The following ZBED4 variants were observed in gnomAD, a reference collection of about 807,000 sequenced individuals.
The protein encoded by ZBED4 is zinc finger BED-type containing 4, also known as zinc finger BED domain-containing protein 4.
ZBED4 carries 4 observed loss-of-function variants against 15.5 expected under a neutral mutation model. The ratio of observed to expected loss-of-function variants is 0.26; its 90% confidence interval spans 0.13 to 0.59. The LOEUF is 0.59. Ranked by LOEUF, ZBED4 falls within the 20% of genes least tolerant of loss-of-function variation. The pLI is 0.90. For synonymous variants in ZBED4, 692 were observed against 608.5 expected, an observed-to-expected ratio of 1.14 and a Z score of -2.02; for missense variants, 1,323 against 1,461.8, an observed-to-expected ratio of 0.91 and a Z score of 1.55.
At chr22:49,863,653 C>T (rs1207076219) in intron 1 of ZBED4, among the ~76,000 whole-genome samples, 4 of 151,124 alleles carry the variant, frequency 2.6e-5, no homozygotes, top group Non-Finnish European at 2.9e-5. Flanking sequence ...GTGTGATGTT[C>T]TGGCTGAGTT....
intron 1 of ZBED4, among the ~76,000 whole-genome samples, chr22:49,864,061 T>C (rs1432404579): frequency 5.3e-5 from 8 of 152,186 alleles, no homozygotes; most frequent in Non-Finnish European, 4.4e-5. Flanking sequence ...TCTGGTTTCT[T>C]TTAAGGGCTT....
In ZBED4 at chr22:49,883,888, T is replaced by A. The variant is rs1569164251; in HGVS notation, c.226T>A (p.Ser76Thr). 4.4e-6 allele frequency: 7 copies of A among 1,607,380 alleles called. No individual in the cohort carries two copies. The highest frequency in any genetic ancestry group is 6.0e-6 in the Non-Finnish European group (7 of 1,175,092). The change falls in exon 2 of 2, where the codon TCT (serine) becomes ACT (threonine). Residue 76 changes from serine (S) to threonine (T), a missense_variant. Coordinates refer to ENST00000216268, the MANE Select transcript of ZBED4 (RefSeq NM_014838.3). ...CTGCAAGCCCCCGGGGAAGTACTTG[T>A]CTGCAGAGAGTGAGGATGACTATGG... ...CSCKPPGKYL[S>T]AESEDDYGAL... is the part of the protein sequence containing the mutation.
At chr22:49,854,450 G>T (rs2060266261) in intron 1 of ZBED4, among the ~76,000 whole-genome samples, 2 of 152,198 alleles carry the variant, frequency 1.3e-5, no homozygotes, top group African/African-American at 4.8e-5. Flanking sequence ...TCATGTCTCA[G>T]CCCAGACGGG....
chr22:49,863,291 C>T (rs978058577), intron 1 of ZBED4, among the ~76,000 whole-genome samples: 1 of 152,156 alleles, frequency 6.6e-6, no homozygotes, highest in Non-Finnish European at 1.5e-5. Context: ...TCCCTAATAA[C>T]TGGGACCACA....
rs775667468 is a variant in ZBED4, at chr22:49,886,982, A to G, written c.3320A>G (p.Lys1107Arg). The change falls in exon 2 of 2, where the codon AAG becomes AGG. Residue 1107 changes from lysine (K) to arginine (R), a missense_variant. By Grantham distance (26) the Lys-to-Arg change is conservative. Coordinates refer to ENST00000216268, the MANE Select transcript of ZBED4 (RefSeq NM_014838.3). The surrounding 1 kb of genome is among the most constrained non-coding windows in gnomAD (Gnocchi z 7.7). ...SCDPLTYWNL[K>R]KASWPGLSAL... The stretch of plus-strand genomic sequence containing the variant: ...GACCCGCTCACCTACTGGAACCTGA[A>G]GAAGGCGTCCTGGCCGGGGCTGTCC... 52 of 1,614,000 alleles carry G rather than the reference A, an allele frequency of 3.2e-5. No homozygotes were observed. The highest frequency in any genetic ancestry group is 2.0e-5 in the Non-Finnish European group (24 of 1,180,042).
Position 49,889,761 on chromosome 22 carries a change from A to T in ZBED4, c.*2583A>T, listed in dbSNP as rs577225355. 6.0e-6 allele frequency: 1 copy of T among 167,344 alleles called. No individual in the cohort carries two copies. The highest frequency in any genetic ancestry group is 2.4e-5 in the African/African-American group (1 of 41,582). The allele number at this position is 167,344 out of a possible 1,614,324, so 10.4% of individuals were successfully genotyped here. On this transcript the variant is annotated 3_prime_UTR_variant, in exon 2 of 2. Transcript: ENST00000216268. ...GACAAGAGGCCCAGTGCTGACAGTC[A>T]CACGACTCTCACTACTTGAATGAGG...
At chr22:49,880,619 A>T (rs1477409774) in intron 1 of ZBED4, among the ~76,000 whole-genome samples, 2 of 152,218 alleles carry the variant, frequency 1.3e-5, no homozygotes, top group Admixed American at 1.3e-4. Flanking sequence ...TCTGAGGTCA[A>T]CCTGGTTTCC....
At chr22:49,863,145 C>G (rs1418496605) in intron 1 of ZBED4, among the ~76,000 whole-genome samples, 1 of 152,116 alleles carries the variant, frequency 6.6e-6, no homozygotes, top group Non-Finnish European at 1.5e-5. Flanking sequence ...CCAGTGTGTT[C>G]CTCTATCCTT....
chr22:49,887,893 T>G lies in ZBED4; in HGVS notation c.*715T>G, dbSNP rs751503138. On this transcript the variant is annotated 3_prime_UTR_variant, in exon 2 of 2. Transcript: ENST00000216268. ...ATCAGCTCCTCTGAAATGTGATCCC[T>G]TTGTAACTGTGCTCATCACTTCGCC... The G allele has an allele frequency of 1.2e-5, 2 of 167,274 alleles. No individual in the cohort carries two copies. Among genetic ancestry groups the G allele is most frequent in the Non-Finnish European group, 2.9e-5 (2 of 68,128 alleles). The allele number at this position is 167,274 out of a possible 1,614,324, so 10.4% of individuals were successfully genotyped here. A position where few individuals can be genotyped will look rare whatever the true frequency, so the allele number is the denominator to read the frequency against.
At chr22:49,856,769 G>A (rs189219632) in intron 1 of ZBED4, among the ~76,000 whole-genome samples, 7 of 92,420 alleles carry the variant, frequency 7.6e-5, no homozygotes, top group Admixed American at 4.4e-4. Flanking sequence ...TGAAGGCCGC[G>A]CTGGAATCCC....
intron 1 of ZBED4, among the ~76,000 whole-genome samples, chr22:49,874,978 CG>C (rs1304635884): frequency 4.6e-5 from 7 of 152,098 alleles, no homozygotes; most frequent in Non-Finnish European, 8.8e-5. Context: ...CCACTGCACC[CG>C]GCCTGTTTTA....
At chr22:49,878,301 CAAAAA>C (rs71196388) in intron 1 of ZBED4, among the ~76,000 whole-genome samples, 2 of 107,216 alleles carry the variant, frequency 1.9e-5, no homozygotes, top group Non-Finnish European at 3.5e-5. Flanking sequence ...GACACTGTCT[CAAAAA>C]AAAAAAAAAA....
chr22:49,867,859 C>T (rs1360233425), intron 1 of ZBED4, among the ~76,000 whole-genome samples: 1 of 152,208 alleles, frequency 6.6e-6, no homozygotes, highest in Non-Finnish European at 1.5e-5. Context: ...TTAGTCCAGC[C>T]CCCCTCAAAT....
chr22:49,862,457 C>G (rs1415823589), intron 1 of ZBED4, among the ~76,000 whole-genome samples: 1 of 152,122 alleles, frequency 6.6e-6, no homozygotes, highest in Non-Finnish European at 1.5e-5. Flanking sequence ...AAGTGTGGCA[C>G]AGATACAGAA....
At chr22:49,858,384 G>A (rs547365411) in intron 1 of ZBED4, among the ~76,000 whole-genome samples, 12 of 152,308 alleles carry the variant, frequency 7.9e-5, no homozygotes, top group Admixed American at 2.6e-4. Flanking sequence ...CCATGTCCCC[G>A]TCTGAACCAG....
chr22:49,854,463 C>T (rs1380782182), intron 1 of ZBED4, among the ~76,000 whole-genome samples: 1 of 152,236 alleles, frequency 6.6e-6, no homozygotes, highest in Non-Finnish European at 1.5e-5. Context: ...CAGACGGGTC[C>T]TTGCGACGCG....
intron 1 of ZBED4, among the ~76,000 whole-genome samples, chr22:49,877,258 ATTATTTATTTATTTATTTAT>A (rs200275015): frequency 4.3e-4 from 62 of 144,738 alleles, no homozygotes; most frequent in East Asian, 6.1e-4. Context: ...AAACAGCTTT[ATTATTTATTTATTTATTTAT>A]TTATTTATTT....
At chr22:49,881,203 G>A (rs2060407805) in intron 1 of ZBED4, among the ~76,000 whole-genome samples, 1 of 152,186 alleles carries the variant, frequency 6.6e-6, no homozygotes, top group African/African-American at 2.4e-5. Context: ...AAAGGAATTA[G>A]CCGGGTGTCA....
At chr22:49,858,713 G>T (rs1324527671) in intron 1 of ZBED4, among the ~76,000 whole-genome samples, 1 of 152,184 alleles carries the variant, frequency 6.6e-6, no homozygotes, top group Non-Finnish European at 1.5e-5. Flanking sequence ...CATCGATGGC[G>T]TCTACAAAAC....
Sources: allele counts gnomAD v4.1 joint callset (sites outside exome capture counted in the v4.1 genomes callset), GRCh38; gene constraint gnomAD v4.1.1; non-coding constraint Gnocchi (gnomAD v3.1); transcripts MANE v1.5; gene names NCBI Gene and HGNC (gene_info 2026-07-23, HGNC 2026-07-21).